Variants in TAF5 observed in about 807,000 individuals in gnomAD.
The protein encoded by TAF5 is transcription initiation factor TFIID subunit 5.
In TAF5, 20 loss-of-function variants were observed where a neutral mutation model predicts 80.9. The ratio of observed to expected loss-of-function variants is 0.25; its 90% CI spans 0.17 to 0.36. The LOEUF (loss-of-function observed/expected upper bound fraction) is 0.36, where lower values mean the gene tolerates loss of function less well. TAF5 is among the 10% of genes least tolerant of loss of function. The probability of loss-of-function intolerance (pLI) is 1.00; values close to 1 mark genes in which losing one functional copy is unlikely to be tolerated. For missense variants in TAF5, 863 were observed against 1,029.4 expected (o/e 0.84, Z 2.21); for synonymous variants, 388 against 406.4 (o/e 0.95, Z 0.55).
At chr10:103,387,452 T>C in intron 9 of TAF5, 69 bp from the exon 10 acceptor site, 2 of 1,550,794 alleles carry the variant, frequency 1.3e-6, no homozygotes, top group Non-Finnish European at 1.7e-6. Context: ...CCATTCTTAC[T>C]ACAAAACTTT....
chr10:103,370,231 CA>C (rs1293936283), intron 1 of TAF5, among the ~76,000 whole-genome samples: 1 of 133,854 alleles, frequency 7.5e-6, no homozygotes, highest in Non-Finnish European at 1.6e-5. Flanking sequence ...GACTCTGTCT[CA>C]AAAAAAAAAT....
At chr10:103,387,474 T>G in intron 9 of TAF5, 47 bp from the exon 10 acceptor site, 1 of 1,559,444 alleles carries the variant, frequency 6.4e-7, no homozygotes. Flanking sequence ...AAATTTTGTC[T>G]TATTTTCCTA....
rs1402820408 is a variant in TAF5, at chr10:103,373,604, A to G, written c.797+9A>G. ...AAGTCATTCTTTGAGAAGTATGTAAATTTTTACATATATATATATACACAC... is the reference window on the plus strand; with the variant it reads ...AAGTCATTCTTTGAGAAGTATGTAAGTTTTTACATATATATATATACACAC... On this transcript the variant is annotated intron_variant, in intron 2 of 10. Coordinates refer to ENST00000369839, the MANE Select transcript of TAF5 (RefSeq NM_006951.5). The G allele has an allele frequency of 1.3e-6, 2 of 1,581,402 alleles. No homozygotes were observed. Among genetic ancestry groups the G allele is most frequent in the African/African-American group, 2.7e-5 (2 of 73,844 alleles).
At chr10:103,375,133 A>AG (rs2093367650) in intron 2 of TAF5, among the ~76,000 whole-genome samples, 1 of 151,780 alleles carries the variant, frequency 6.6e-6, no homozygotes, top group Non-Finnish European at 1.5e-5. Flanking sequence ...AAAAAAAAAA[A>AG]AAAAAAAGAA....
chr10:103,372,763 G>GT (rs1401246356), intron 1 of TAF5, among the ~76,000 whole-genome samples: 31 of 151,926 alleles, frequency 2.0e-4, no homozygotes, highest in African/African-American at 7.5e-4. Flanking sequence ...GGGCATAGTG[G>GT]TGCATGCCTG....
Position 103,388,268 on chromosome 10 carries a change from G to T in TAF5, c.*45G>T. Reference sequence around the variant, plus strand: ...TTTTGGAAGCTACTGTTTTTAAAAAGGGAGACTAAAAGCAAATACCTCAGT... The same window carrying T: ...TTTTGGAAGCTACTGTTTTTAAAAATGGAGACTAAAAGCAAATACCTCAGT... On this transcript the variant is annotated 3_prime_UTR_variant, in exon 11 of 11. Transcript: ENST00000369839. 1.3e-6 allele frequency: 2 copies of T among 1,525,796 alleles called. No individual in the cohort carries two copies. Among genetic ancestry groups the T allele is most frequent in the South Asian group, 1.2e-5 (1 of 84,258 alleles). The allele number at this position is 1,525,796 out of a possible 1,614,324, so 94.5% of individuals were successfully genotyped here.
At chr10:103,373,230 A>T in intron 1 of TAF5, 128 bp from the exon 2 acceptor site, 55 of 643,366 alleles carry the variant, frequency 8.5e-5, no homozygotes, top group Non-Finnish European at 1.4e-4. Flanking sequence ...GATTGTGTTG[A>T]GGAAGAGACA....
chr10:103,373,628 A>G (rs370773223), intron 2 of TAF5, 33 bp downstream of exon 2: 1 of 1,492,890 alleles, frequency 6.7e-7, no homozygotes, highest in African/African-American at 1.4e-5. Flanking sequence ...ATATATACAC[A>G]CATACGTAGT....
At chr10:103,369,217 G>A (rs2093353279) in intron 1 of TAF5, among the ~76,000 whole-genome samples, 1 of 151,764 alleles carries the variant, frequency 6.6e-6, no homozygotes, top group Non-Finnish European at 1.5e-5. Context: ...GACCTCAGAT[G>A]ATCCACCTGC....
At chr10:103,385,624 A>G (rs557466451) in intron 8 of TAF5, 134 bp downstream of exon 8, 2 of 1,094,174 alleles carry the variant, frequency 1.8e-6, no homozygotes, top group East Asian at 5.3e-5. Context: ...TTTTGCATTT[A>G]TAACTTATTT....
intron 5 of TAF5, among the ~76,000 whole-genome samples, chr10:103,380,347 C>T (rs1020787680): frequency 2.6e-5 from 4 of 152,132 alleles, no homozygotes; most frequent in African/African-American, 9.7e-5. Context: ...CCAGGATGGT[C>T]TCGATCTCCT....
In TAF5 at chr10:103,368,030, A is replaced by C. The variant is rs1162339150; in HGVS notation, c.41A>C (p.Lys14Thr). The stretch of plus-strand genomic sequence containing the variant: ...GAGGAGCAGACGGAGGTGGCGGTCA[A>C]GCTAGAGCCTGAGGGACCGCCAACG... Reference protein sequence around the residue: ...LAEEQTEVAVKLEPEGPPTLL... With the variant: ...LAEEQTEVAVTLEPEGPPTLL... The change falls in exon 1 of 11, where the codon AAG becomes ACG. Residue 14 changes from lysine to threonine, a missense_variant. Coordinates refer to ENST00000369839, the MANE Select transcript of TAF5 (RefSeq NM_006951.5). 13 of 1,465,402 alleles carry C rather than the reference A, an allele frequency of 8.9e-6. No individual in the cohort carries two copies. The South Asian group carries it at 1.1e-4, about 12-fold the overall frequency. 90.8% of individuals were successfully genotyped at this position (1,465,402 alleles called of 1,614,324 possible).
At position 103,387,076 on chromosome 10, in the gene TAF5, T is replaced by G. The variant is rs1032215579; in HGVS notation, c.1830-99T>G. 6 of 1,272,606 alleles carry G rather than the reference T, an allele frequency of 4.7e-6. No homozygotes were observed. In the African/African-American group the frequency reaches 9.0e-5, roughly 19 times the overall value. 78.8% of individuals were successfully genotyped at this position (1,272,606 alleles called of 1,614,324 possible). A position where few individuals can be genotyped will look rare whatever the true frequency, so the allele number is the denominator to read the frequency against. On this transcript the variant is annotated intron_variant, in intron 8 of 10. Transcript: ENST00000369839. ...AGTGGGGGGCCCACTCAGAACTAACTTTTTATGTGGATGTTTCTGTATTTA... is the reference window on the plus strand; with the variant it reads ...AGTGGGGGGCCCACTCAGAACTAACGTTTTATGTGGATGTTTCTGTATTTA...
In TAF5 at chr10:103,387,635, A is replaced by C. The variant is rs765988546; in HGVS notation, c.2122A>C (p.Lys708Gln). 1.9e-6 allele frequency: 3 copies of C among 1,614,036 alleles called. No homozygotes were observed. In the South Asian group the frequency reaches 3.3e-5, roughly 18 times the overall value. The change falls in exon 10 of 11, where the codon AAA becomes CAA. Residue 708 changes from lysine (K) to glutamine (Q), a missense_variant. Lys to Gln is a moderately conservative substitution (Grantham distance 53). Coordinates refer to ENST00000369839, the MANE Select transcript of TAF5 (RefSeq NM_006951.5). ...IGHGLMVGELKGHTDTVCSLR... is the reference protein window; with the variant it reads ...IGHGLMVGELQGHTDTVCSLR... ...ACATGGTTTGATGGTTGGAGAATTA[A>C]AAGGCCACACTGATACAGTCTGTTC...
intron 8 of TAF5, among the ~76,000 whole-genome samples, chr10:103,386,830 A>AT (rs2093397472): frequency 6.6e-6 from 1 of 151,906 alleles, no homozygotes; most frequent in African/African-American, 2.4e-5. Context: ...TGCCCAGCTA[A>AT]TTTTTTGTAT....
Position 103,387,278 on chromosome 10 carries a change from G to A in TAF5, c.1933G>A (p.Gly645Ser). Residue 645 changes from glycine to serine, a missense_variant, in exon 9 of 11, where the codon GGC becomes AGC. By Grantham distance (56) the Gly-to-Ser change is moderately conservative (BLOSUM62 0). Around this residue, in one of 3 missense-constraint regions of TAF5, gnomAD observed 368 missense variants for 461.7 expected, o/e 0.80. Transcript: ENST00000369839. Reference sequence around the variant, plus strand: ...TCCAAATTCTAATTATGTTGCTACGGGCTCTGCAGACAGAACTGTGCGGCT... The same window carrying A: ...TCCAAATTCTAATTATGTTGCTACGAGCTCTGCAGACAGAACTGTGCGGCT... ...FHPNSNYVAT[G>S]SADRTVRLWD... The A allele has an allele frequency of 1.2e-6, 2 of 1,614,096 alleles. No individual in the cohort carries two copies. Among genetic ancestry groups the A allele is most frequent in the Non-Finnish European group, 1.7e-6 (2 of 1,180,006 alleles).
intron 6 of TAF5, 114 bp from the exon 7 acceptor site, chr10:103,383,124 G>A: frequency 1.2e-6 from 1 of 868,372 alleles, no homozygotes; most frequent in Non-Finnish European, 1.7e-6. Flanking sequence ...AAGTGCGGTT[G>A]GTATATAGGA....
intron 2 of TAF5, 96 bp downstream of exon 2, chr10:103,373,691 C>T: frequency 1.1e-6 from 1 of 918,396 alleles, no homozygotes; most frequent in Admixed American, 2.9e-5. Flanking sequence ...AAATGTAAGA[C>T]TGCAACTTAA....
rs764221686 is a variant in TAF5 at position 103,373,503 on chromosome 10, G to C, written c.705G>C (p.Glu235Asp). The C allele has an allele frequency of 1.2e-6, 2 of 1,614,206 alleles. No homozygotes were observed. The highest frequency in any genetic ancestry group is 1.7e-6 in the Non-Finnish European group (2 of 1,180,042). ...IECSLDCHRA[E>D]LSQLFYPLFV... ...GTTCCCTGGACTGCCATCGGGCAGA[G>C]TTGTCCCAACTTTTTTATCCTCTGT... Residue 235 changes from glutamate to aspartate, a missense_variant, in exon 2 of 11, where the codon GAG (glutamate) becomes GAC (aspartate). By Grantham distance (45) the Glu-to-Asp change is conservative. Around this residue, in one of 3 missense-constraint regions of TAF5, gnomAD observed 128 missense variants for 232.2 expected, o/e 0.55. Coordinates refer to ENST00000369839, the MANE Select transcript of TAF5 (RefSeq NM_006951.5).
Sources: gnomAD v4.1 joint callset for allele counts (sites outside exome capture counted in the v4.1 genomes callset) on GRCh38, gnomAD v4.1.1 for gene constraint, gnomAD v4.1.1 regional missense constraint, MANE v1.5 for transcripts, NCBI Gene and HGNC (gene_info 2026-07-23, HGNC 2026-07-21) for gene names.